Variants in ACOT7 observed in about 807,000 individuals in gnomAD.
ACOT7 encodes cytosolic acyl coenzyme A thioester hydrolase.
Under a neutral mutation model 40.2 loss-of-function variants are expected in ACOT7, and 12 were observed. The ratio of observed to expected loss-of-function variants is 0.30; its 90% CI spans 0.19 to 0.48. ACOT7 has a LOEUF of 0.48. Among genes scored for constraint, ACOT7 ranks in the 20% least tolerant of loss-of-function variants. The pLI is 0.99. For missense variants in ACOT7, 395 were observed against 530.8 expected (o/e 0.74, Z 2.51); for synonymous variants, 228 against 219.5 (o/e 1.04, Z -0.34).
Position 6,274,607 on chromosome 1 carries a change from T to C in ACOT7, c.1014+6495A>G, listed in dbSNP as rs1639136616. ...GAGGTGGGCACCATGTTCCAGAGCC[T>C]TCTGAAAGTTGTGTGGGTCTGTGCT... On this transcript the variant is annotated intron_variant, in intron 8 of 8. Transcript: ENST00000361521. The surrounding 1 kb of genome is among the most constrained non-coding windows in gnomAD (Gnocchi z 5.9). Among the ~76,000 whole-genome samples, 1 of 152,192 alleles carries C rather than the reference T, an allele frequency of 6.6e-6. No homozygotes were observed.
At chr1:6,387,066 A>G (rs1642450906) in intron 1 of ACOT7, among the ~76,000 whole-genome samples, 3 of 152,290 alleles carry the variant, frequency 2.0e-5, no homozygotes, top group Admixed American at 1.3e-4. Context: ...ATACAGGGCT[A>G]CGGGGACACA....
chr1:6,321,649 T>G (rs61268563), intron 5 of ACOT7, among the ~76,000 whole-genome samples: 2 of 152,064 alleles, frequency 1.3e-5, no homozygotes, highest in Non-Finnish European at 2.9e-5. Flanking sequence ...TGAGTAGCTG[T>G]GACTACAGGC....
chr1:6,317,606 C>T (rs1422985436), intron 6 of ACOT7, among the ~76,000 whole-genome samples: 1 of 152,180 alleles, frequency 6.6e-6, no homozygotes, highest in Non-Finnish European at 1.5e-5. Flanking sequence ...CTGCCCTGAC[C>T]CTCAGCAGGC....
intron 8 of ACOT7, among the ~76,000 whole-genome samples, chr1:6,270,231 G>C (rs781716234): frequency 2.0e-5 from 3 of 152,248 alleles, no homozygotes; most frequent in Non-Finnish European, 4.4e-5. Context: ...CTGCCTCCTC[G>C]CAGCCATCTC....
At chr1:6,369,880 A>T (rs1642095690) in intron 1 of ACOT7, among the ~76,000 whole-genome samples, 1 of 152,190 alleles carries the variant, frequency 6.6e-6, no homozygotes, top group Non-Finnish European at 1.5e-5. Flanking sequence ...TTTCTTAAAC[A>T]ATACAACTTG....
At chr1:6,350,311 C>A (rs770861260) in intron 1 of ACOT7, among the ~76,000 whole-genome samples, 8 of 152,196 alleles carry the variant, frequency 5.3e-5, no homozygotes, top group Non-Finnish European at 8.8e-5. Flanking sequence ...CAGGTAGCCA[C>A]GGCTGTTCTG....
In ACOT7 at chr1:6,353,627, T is replaced by C. The variant is rs561932445; in HGVS notation, c.144-3761A>G. Among the ~76,000 whole-genome samples the C allele has an allele frequency of 2.6e-5, 4 of 152,264 alleles. No homozygotes were observed. In the East Asian group the frequency reaches 7.7e-4, roughly 29 times the overall value. On this transcript the variant is annotated intron_variant, in intron 1 of 8. Coordinates refer to ENST00000361521, the MANE Select transcript of ACOT7 (RefSeq NM_007274.4). ...CCAGCCTGGGTGACAGAGTGAGACT[T>C]CGTCTCAAAAGAAAAAAGAAAAGAA...
At position 6,294,112 on chromosome 1, in the gene ACOT7, G is replaced by A. The variant is rs1639746559; in HGVS notation, c.829+752C>T. On this transcript the variant is annotated intron_variant, in intron 7 of 8. Coordinates refer to ENST00000361521, the MANE Select transcript of ACOT7 (RefSeq NM_007274.4). The surrounding 1 kb of genome is among the most constrained non-coding windows in gnomAD (Gnocchi z 4.6). ...GTGGTGTCCTCAGAATCAGCACCAG[G>A]CCCTGACGATGCTGACACCACCCTC... Among the ~76,000 whole-genome samples the A allele has an allele frequency of 1.3e-5, 2 of 152,346 alleles. No homozygotes were observed. Among genetic ancestry groups the A allele is most frequent in the East Asian group, 1.9e-4 (1 of 5,186 alleles).
intron 8 of ACOT7, among the ~76,000 whole-genome samples, chr1:6,277,762 C>A (rs1639238578): frequency 6.6e-6 from 1 of 152,252 alleles, no homozygotes. Context: ...TCCCCTCATT[C>A]CCTGCTGTCT....
intron 6 of ACOT7, chr1:6,295,562 ACATGATG>A (rs1316116655): frequency 6.6e-6 from 1 of 152,444 alleles, no homozygotes; most frequent in African/African-American, 2.4e-5. Flanking sequence ...AAAGGTCCAT[ACATGATG>A]AATGGAGAAA....
At chr1:6,363,498 A>G (rs6659916) in intron 1 of ACOT7, among the ~76,000 whole-genome samples, 30,683 of 151,870 alleles carry the variant, frequency 0.2, 6,018 homozygotes, top group African/African-American at 0.51. Flanking sequence ...CTCCTAGTCC[A>G]CTTTCATGTT....
At chr1:6,332,010 G>C (rs1640967719) in intron 4 of ACOT7, among the ~76,000 whole-genome samples, 1 of 152,194 alleles carries the variant, frequency 6.6e-6, no homozygotes, top group African/African-American at 2.4e-5. Context: ...TGGAGAGCCA[G>C]GCCTCCTACA....
intron 2 of ACOT7, among the ~76,000 whole-genome samples, chr1:6,346,911 C>T (rs969028186): frequency 2.6e-5 from 4 of 152,064 alleles, no homozygotes; most frequent in East Asian, 3.9e-4. Context: ...GCCTGAGCAC[C>T]GGGGTGCTGC....
chr1:6,346,859 A>T (rs1021596266), intron 2 of ACOT7, among the ~76,000 whole-genome samples: 9 of 152,020 alleles, frequency 5.9e-5, no homozygotes, highest in African/African-American at 1.9e-4. Context: ...GAGCCTCATG[A>T]GTTTGGGAGG....
At position 6,333,487 on chromosome 1, in the gene ACOT7, G is replaced by A; in HGVS notation, c.500C>T (p.Pro167Leu). ...LKNVDKVLEV[P>L]PVVYSRQEQE... ...GAAAGGGCACCTTACCACAACAGGA[G>A]GCACCTCGAGGACCTTGTCCACATT... is the stretch of plus-strand genomic sequence containing the variant. Residue 167 changes from proline (P) to leucine (L), a missense_variant, in exon 4 of 9, where the codon CCT becomes CTT. Physicochemically the swap from Pro to Leu is moderately conservative, Grantham distance 98. Coordinates refer to ENST00000361521, the MANE Select transcript of ACOT7 (RefSeq NM_007274.4). The A allele has an allele frequency of 1.3e-5, 21 of 1,614,214 alleles. No individual in the cohort carries two copies. The highest frequency in any genetic ancestry group is 1.8e-5 in the Non-Finnish European group (21 of 1,180,026).
chr1:6,318,076 G>A (rs1194013226), intron 6 of ACOT7, among the ~76,000 whole-genome samples: 4 of 151,838 alleles, frequency 2.6e-5, no homozygotes, highest in Non-Finnish European at 5.9e-5. Context: ...TTTCTTTTGA[G>A]ATAGGGTCTC....
chr1:6,389,875 C>T (rs1413699110), intron 1 of ACOT7, among the ~76,000 whole-genome samples: 1 of 152,092 alleles, frequency 6.6e-6, no homozygotes, highest in Non-Finnish European at 1.5e-5. Context: ...GGAATTTGGA[C>T]GTTCTCACCC....
rs1467039172 is a variant in ACOT7, at chr1:6,372,863, T to C, written c.143+20394A>G. 2.0e-5 allele frequency among the ~76,000 whole-genome samples: 3 copies of C among 152,268 alleles called. No individual in the cohort carries two copies. The East Asian group carries it at 5.8e-4, about 29-fold the overall frequency. On this transcript the variant is annotated intron_variant, in intron 1 of 8. Coordinates refer to ENST00000361521, the MANE Select transcript of ACOT7 (RefSeq NM_007274.4). ...CCGTGCCTGGCCTCCGGCTTTTGGC[T>C]TAAAGTGAGAGATGTGTGACTCTCT...
At chr1:6,380,520 C>A (rs533896878) in intron 1 of ACOT7, among the ~76,000 whole-genome samples, 1 of 147,556 alleles carries the variant, frequency 6.8e-6, no homozygotes, top group Non-Finnish European at 1.5e-5. Flanking sequence ...ACCCAGGAGG[C>A]GAAGGTTGTA....
Sources: allele counts gnomAD v4.1 joint callset (sites outside exome capture counted in the v4.1 genomes callset), GRCh38; gene constraint gnomAD v4.1.1; non-coding constraint Gnocchi (gnomAD v3.1); transcripts MANE v1.5; gene names NCBI Gene and HGNC (gene_info 2026-07-23, HGNC 2026-07-21).